The following CLN8 variants were observed in gnomAD, a reference collection of about 807,000 sequenced individuals.
The protein encoded by CLN8 is protein CLN8.
In CLN8, 14 loss-of-function variants were observed where a neutral mutation model predicts 15.7. That is an observed-to-expected ratio of 0.89 (90% CI 0.59 to 1.39). The LOEUF is 1.39. Among genes scored for constraint, CLN8 ranks in the 40% most tolerant of loss-of-function variants. CLN8 has a pLI of 0.00. For synonymous variants in CLN8, 188 were observed against 151.0 expected, an observed-to-expected ratio of 1.25 and a Z score of -1.80; for missense variants, 415 against 364.0, an observed-to-expected ratio of 1.14 and a Z score of -1.14.
chr8:1,775,468 C>G (rs149378881), intron 2 of CLN8, among the ~76,000 whole-genome samples: 4 of 152,264 alleles, frequency 2.6e-5, no homozygotes, highest in African/African-American at 9.6e-5. Context: ...CTTCTCAAAG[C>G]CTTTGGTGAC....
chr8:1,761,548 C>T (rs112967378), upstream of CLN8, among the ~76,000 whole-genome samples: 49 of 152,350 alleles, frequency 3.2e-4, 1 homozygote, highest in African/African-American at 1.0e-3. Context: ...TGGTCTTGAA[C>T]TTCTGACCTC....
chr8:1,767,573 T>TTC (rs1318042330), intron 1 of CLN8, among the ~76,000 whole-genome samples: 3 of 134,498 alleles, frequency 2.2e-5, no homozygotes, highest in East Asian at 4.3e-4. Flanking sequence ...TTCTTTTTTT[T>TTC]TTTTTTTTTT....
chr8:1,765,857 G>T (rs143402217), intron 1 of CLN8, among the ~76,000 whole-genome samples: 2 of 152,332 alleles, frequency 1.3e-5, no homozygotes, highest in East Asian at 3.9e-4. Flanking sequence ...CTCCTAGAAA[G>T]TCAAGTGATT....
At chr8:1,765,074 C>G (rs1338661894) in intron 1 of CLN8, 2 of 152,198 alleles carry the variant, frequency 1.3e-5, no homozygotes, top group African/African-American at 4.8e-5. Context: ...TCAGATTGGC[C>G]GTCATGGAGG....
chr8:1,773,373 G>T (rs896579818), intron 2 of CLN8, among the ~76,000 whole-genome samples: 1 of 152,216 alleles, frequency 6.6e-6, no homozygotes, highest in African/African-American at 2.4e-5. Context: ...TGGTGAGTGC[G>T]TGGTTTGGGC....
intron 2 of CLN8, among the ~76,000 whole-genome samples, chr8:1,778,584 G>GT (rs1563113044): frequency 1.3e-5 from 2 of 152,308 alleles, no homozygotes; most frequent in East Asian, 3.9e-4. Flanking sequence ...AGGTGGGAGT[G>GT]TTTCATTTGC....
In CLN8 at chr8:1,780,409, C is replaced by T. The variant is rs1205636247; in HGVS notation, c.703C>T (p.Leu235Phe). 6.2e-7 allele frequency: 1 copy of T among 1,614,108 alleles called. No individual in the cohort carries two copies. The highest frequency in any genetic ancestry group is 1.3e-5 in the African/African-American group (1 of 74,924). Reference protein sequence around the residue: ...SLYLPHLTLFLVGLALLTLII... With the variant: ...SLYLPHLTLFFVGLALLTLII... The stretch of plus-strand genomic sequence containing the variant: ...GTATCTGCCTCATTTGACACTGTTC[C>T]TTGTCGGACTGGCTCTGCTTACGCT... The change falls in exon 3 of 3, where the codon CTT becomes TTT. Residue 235 changes from leucine to phenylalanine, a missense_variant. Transcript: ENST00000331222.
chr8:1,771,426 C>T lies in CLN8; in HGVS notation c.372C>T (p.Ser124=), dbSNP rs2130992027. The change falls in exon 2 of 3, where the codon TCC becomes TCT. Residue 124 remains serine (S), a synonymous_variant. Transcript: ENST00000331222. ...FCFENVAVHL[S]NLIFRTFDLF... ...TTGAAAATGTTGCAGTCCACCTGTCCAACTTGATCTTCCGGACATTTGACT... is the reference window on the plus strand; with the variant it reads ...TTGAAAATGTTGCAGTCCACCTGTCTAACTTGATCTTCCGGACATTTGACT... 6.2e-7 allele frequency: 1 copy of T among 1,614,206 alleles called. No homozygotes were observed. Among genetic ancestry groups the T allele is most frequent in the South Asian group, 1.1e-5 (1 of 91,084 alleles).
At chr8:1,778,057 G>A (rs551983226) in intron 2 of CLN8, among the ~76,000 whole-genome samples, 105 of 152,280 alleles carry the variant, frequency 6.9e-4, no homozygotes, top group African/African-American at 2.4e-3. Context: ...TGGTACTGCC[G>A]CTATGGGTCT....
rs1254447209 is a variant in CLN8 at position 1,781,335 on chromosome 8, C to T, written c.*768C>T. 6.9e-6 allele frequency: 1 copy of T among 144,782 alleles called. No homozygotes were observed. Among genetic ancestry groups the T allele is most frequent in the Non-Finnish European group, 1.5e-5 (1 of 66,904 alleles). 9.0% of individuals were successfully genotyped at this position (144,782 alleles called of 1,614,324 possible). A position where few individuals can be genotyped will look rare whatever the true frequency, so the allele number is the denominator to read the frequency against. Reference sequence around the variant, plus strand: ...ATCGCACCACTGCACTCCAGCACTCCAGCCTGGGTGACAGAGCAAGACTCT... The same window carrying T: ...ATCGCACCACTGCACTCCAGCACTCTAGCCTGGGTGACAGAGCAAGACTCT... On this transcript the variant is annotated 3_prime_UTR_variant, in exon 3 of 3. Transcript: ENST00000331222.
chr8:1,762,744 A>G (rs956394164), upstream of CLN8: 1 of 152,224 alleles, frequency 6.6e-6, no homozygotes, highest in Non-Finnish European at 1.5e-5. Flanking sequence ...ATAGTACAGG[A>G]AAGGAAAAAA....
upstream of CLN8, among the ~76,000 whole-genome samples, chr8:1,760,953 A>T (rs1800781320): frequency 6.6e-6 from 1 of 151,334 alleles, no homozygotes; most frequent in Non-Finnish European, 1.5e-5. Flanking sequence ...TGGTGGATGT[A>T]AATAACGTTA....
chr8:1,761,488 C>A (rs966688622), upstream of CLN8, among the ~76,000 whole-genome samples: 3 of 152,208 alleles, frequency 2.0e-5, no homozygotes, highest in African/African-American at 7.2e-5. Context: ...CCACGCCTGG[C>A]TAATTTTTGT....
rs1040664086 is a variant in CLN8 at position 1,770,915 on chromosome 8, A to T, written c.-123-17A>T. 2 of 767,964 alleles carry T rather than the reference A, an allele frequency of 2.6e-6. No homozygotes were observed. Among genetic ancestry groups the T allele is most frequent in the Non-Finnish European group, 4.4e-6 (2 of 450,402 alleles). 47.6% of individuals were successfully genotyped at this position (767,964 alleles called of 1,614,324 possible). On this transcript the variant is annotated splice_polypyrimidine_tract_variant and intron_variant, in intron 1 of 2. Transcript: ENST00000331222. The stretch of plus-strand genomic sequence containing the variant: ...GTTTCTATCGAGTCAACACAAAATG[A>T]ATGATCTTTCTTTTAGATTGAAGAT...
intron 1 of CLN8, chr8:1,758,142 T>G (rs1336517035): frequency 2.0e-5 from 3 of 152,100 alleles, no homozygotes; most frequent in Non-Finnish European, 4.4e-5. Flanking sequence ...TATTTTTCAG[T>G]TTTTAAGAAA....
rs1293890033 is a variant in CLN8 at position 1,783,882 on chromosome 8, C to A, written c.*3315C>A. ...ACAGCCGTGCCTGCCTTGGGCGCAG[C>A]CTCCGGCGCCAGAGCTGGGCTCTTC... On this transcript the variant is annotated 3_prime_UTR_variant, in exon 3 of 3. Transcript: ENST00000331222. 1 of 152,240 alleles carries A rather than the reference C, an allele frequency of 6.6e-6. No individual in the cohort carries two copies. Among genetic ancestry groups the A allele is most frequent in the African/African-American group, 2.4e-5 (1 of 41,456 alleles). The allele number at this position is 152,240 out of a possible 1,614,324, so 9.4% of individuals were successfully genotyped here.
rs1801748130 is a variant in CLN8, at chr8:1,783,107, G to A, written c.*2540G>A. ...ACAGCACTTTCCCATGGTCCTCACTGGCCTCAGTCTCCCTGACCGGCAGTG... is the reference window on the plus strand; with the variant it reads ...ACAGCACTTTCCCATGGTCCTCACTAGCCTCAGTCTCCCTGACCGGCAGTG... On this transcript the variant is annotated 3_prime_UTR_variant, in exon 3 of 3. Transcript: ENST00000331222. 6.6e-6 allele frequency: 1 copy of A among 152,300 alleles called. No individual in the cohort carries two copies. Among genetic ancestry groups the A allele is most frequent in the Admixed American group, 6.5e-5 (1 of 15,288 alleles). The allele number at this position is 152,300 out of a possible 1,614,324, so 9.4% of individuals were successfully genotyped here.
At chr8:1,753,325 C>T (rs1212966273), upstream of CLN8, among the ~76,000 whole-genome samples, 3 of 151,854 alleles carry the variant, frequency 2.0e-5, no homozygotes, top group African/African-American at 7.3e-5. Context: ...AATCCCAGCA[C>T]TTTGGGAGGC....
At chr8:1,762,956 A>C (rs953274996), upstream of CLN8, 1 of 152,156 alleles carries the variant, frequency 6.6e-6, no homozygotes, top group African/African-American at 2.4e-5. Flanking sequence ...CACATTAGAC[A>C]GAAGAAACAT....
Sources: allele counts gnomAD v4.1 joint callset (sites outside exome capture counted in the v4.1 genomes callset), GRCh38; gene constraint gnomAD v4.1.1; transcripts MANE v1.5; gene names NCBI Gene and HGNC (gene_info 2026-07-23, HGNC 2026-07-21).